The following KLHDC4 variants were observed in gnomAD, a reference collection of about 807,000 sequenced individuals.
The protein encoded by KLHDC4 is kelch domain containing 4, also known as kelch domain-containing protein 4.
KLHDC4 carries 90 observed loss-of-function variants against 62.4 expected under a neutral mutation model. The ratio of observed to expected loss-of-function variants is 1.44; its 90% CI spans 1.22 to 1.72. The LOEUF (loss-of-function observed/expected upper bound fraction) is 1.72, where lower values mean the gene tolerates loss of function less well. Among genes scored for constraint, KLHDC4 ranks in the 40% most tolerant of loss-of-function variants. The pLI is 0.00. For missense variants in KLHDC4, 1,025 were observed against 699.7 expected, an observed-to-expected ratio of 1.47 and a Z score of -5.25; for synonymous variants, 386 against 284.4, an observed-to-expected ratio of 1.36 and a Z score of -3.59.
At chr16:87,706,879 G>C (rs1439258507), downstream of KLHDC4, among the ~76,000 whole-genome samples, 1 of 152,220 alleles carries the variant, frequency 6.6e-6, no homozygotes, top group African/African-American at 2.4e-5. Flanking sequence ...GGAGCGGGGA[G>C]GTGCTCACAG....
At chr16:87,752,089 CAAAAAAAAAAA>C (rs1173625123) in intron 4 of KLHDC4, among the ~76,000 whole-genome samples, 15 of 29,468 alleles carry the variant, frequency 5.1e-4, no homozygotes, top group Admixed American at 1.2e-3. Flanking sequence ...GACTTTGTCT[CAAAAAAAAAAA>C]AAAAAAAAAA....
chr16:87,752,499 G>C (rs1313010574), intron 4 of KLHDC4, among the ~76,000 whole-genome samples: 1 of 151,980 alleles, frequency 6.6e-6, no homozygotes, highest in African/African-American at 2.4e-5. Context: ...ACGACGCCCA[G>C]GTAATTTTTG....
intron 7 of KLHDC4, among the ~76,000 whole-genome samples, chr16:87,723,488 G>T (rs1462890956): frequency 6.6e-6 from 1 of 152,242 alleles, no homozygotes; most frequent in Non-Finnish European, 1.5e-5. Context: ...ACATCTGCTG[G>T]GAGAAAGCAC....
At chr16:87,730,107 C>A (rs974495589) in intron 6 of KLHDC4, among the ~76,000 whole-genome samples, 2 of 152,216 alleles carry the variant, frequency 1.3e-5, no homozygotes, top group Non-Finnish European at 2.9e-5. Flanking sequence ...GCACCTGCCA[C>A]CACGCCTGGC....
intron 5 of KLHDC4, among the ~76,000 whole-genome samples, chr16:87,737,537 G>A (rs1198226838): frequency 6.6e-6 from 1 of 151,374 alleles, no homozygotes; most frequent in East Asian, 1.9e-4. Context: ...GCCGTGAGCC[G>A]AGATCACACC....
At chr16:87,699,128 G>A (rs2034025536) in exon 1 of KLHDC4, 1 of 152,306 alleles carries the variant, frequency 6.6e-6, no homozygotes, top group Admixed American at 6.5e-5. Flanking sequence ...CCCTGGAAGA[G>A]CTGGAGAAGA....
At chr16:87,763,508 G>C (rs2046180852) in intron 1 of KLHDC4, 1 of 152,216 alleles carries the variant, frequency 6.6e-6, no homozygotes, top group Non-Finnish European at 1.5e-5. Flanking sequence ...GGGAGGCTGA[G>C]GCAGGAGAAT....
chr16:87,722,874 C>A (rs2038668882), intron 7 of KLHDC4, among the ~76,000 whole-genome samples: 1 of 152,228 alleles, frequency 6.6e-6, no homozygotes, highest in African/African-American at 2.4e-5. Flanking sequence ...CTCTCCAAGC[C>A]ACCTCTACTT....
chr16:87,756,132 A>C (rs1049112298), intron 3 of KLHDC4: 18 of 311,818 alleles, frequency 5.8e-5, no homozygotes, highest in African/African-American at 1.0e-4. Flanking sequence ...AACCACAAAG[A>C]GGGGTGCGCC....
chr16:87,738,482 G>C (rs770559339), intron 5 of KLHDC4, among the ~76,000 whole-genome samples: 9 of 152,106 alleles, frequency 5.9e-5, no homozygotes, highest in Non-Finnish European at 1.2e-4. Flanking sequence ...AACACTGCAA[G>C]AGCAGAAAAG....
At chr16:87,737,253 G>C (rs991482197) in intron 5 of KLHDC4, among the ~76,000 whole-genome samples, 4 of 151,820 alleles carry the variant, frequency 2.6e-5, no homozygotes, top group Non-Finnish European at 5.9e-5. Flanking sequence ...ATCACATGAA[G>C]TTAGAGGCCT....
At chr16:87,764,168 TAAGA>T (rs1196367326) in intron 1 of KLHDC4, among the ~76,000 whole-genome samples, 2 of 152,232 alleles carry the variant, frequency 1.3e-5, no homozygotes, top group African/African-American at 4.8e-5. Flanking sequence ...CAGCTGAATT[TAAGA>T]AAGAGATGAT....
At chr16:87,714,190 G>A (rs570624526) in intron 8 of KLHDC4, among the ~76,000 whole-genome samples, 2 of 152,286 alleles carry the variant, frequency 1.3e-5, no homozygotes, top group Admixed American at 6.5e-5. Flanking sequence ...CCCTTGGAGG[G>A]GCCCATCAGG....
Position 87,762,064 on chromosome 16 carries a change from G to A in KLHDC4, c.100-24C>T, listed in dbSNP as rs545487115. 4 of 1,610,694 alleles carry A rather than the reference G, an allele frequency of 2.5e-6. No individual in the cohort carries two copies. The African/African-American group carries it at 4.0e-5, about 16-fold the overall frequency. Reference sequence around the variant, plus strand: ...TCCTAGGGCAAGCAAGCAGGCACACGTGAGACTTATTCCCAGGACCCGCCG... The same window carrying A: ...TCCTAGGGCAAGCAAGCAGGCACACATGAGACTTATTCCCAGGACCCGCCG... On this transcript the variant is annotated intron_variant, in intron 1 of 11. Transcript: ENST00000270583.
rs112990413 is a variant in KLHDC4 at position 87,710,865 on chromosome 16, C to T, written c.1044+370G>A. On this transcript the variant is annotated intron_variant, in intron 9 of 11. Coordinates refer to ENST00000270583, the MANE Select transcript of KLHDC4 (RefSeq NM_017566.4). ...TGGCCCTGGACAGCAGCTATGCTCA[C>T]GTGGACAGTAAAGATGGTGTCGGAA... 1,147 of 213,060 alleles carry T rather than the reference C, an allele frequency of 5.4e-3. 18 individuals are homozygous for T. Among genetic ancestry groups the T allele is most frequent in the African/African-American group, 0.024 (1,076 of 44,324 alleles). The allele number at this position is 213,060 out of a possible 1,614,324, so 13.2% of individuals were successfully genotyped here. A position where few individuals can be genotyped will look rare whatever the true frequency, so the allele number is the denominator to read the frequency against.
intron 4 of KLHDC4, among the ~76,000 whole-genome samples, chr16:87,753,852 A>G (rs1056200457): frequency 6.6e-6 from 1 of 151,672 alleles, no homozygotes; most frequent in Admixed American, 6.6e-5. Flanking sequence ...GGGTACCTGT[A>G]ATCCCAGCTA....
chr16:87,747,430 A>G (rs1307152427), intron 5 of KLHDC4: 4 of 152,254 alleles, frequency 2.6e-5, no homozygotes, highest in African/African-American at 4.8e-5. Context: ...CGTGAGCTTC[A>G]AGATATACAC....
intron 1 of KLHDC4, 84 bp downstream of exon 1, chr16:87,765,708 C>A: frequency 7.4e-7 from 1 of 1,357,330 alleles, no homozygotes; most frequent in Non-Finnish European, 1.0e-6. Flanking sequence ...CCACGGCCGA[C>A]CCGTAACCCC....
At chr16:87,738,836 G>T (rs1479968797) in intron 5 of KLHDC4, among the ~76,000 whole-genome samples, 2 of 81,834 alleles carry the variant, frequency 2.4e-5, no homozygotes, top group Admixed American at 1.2e-4. Context: ...CCACACACCA[G>T]CACCTCATCC....
Sources: allele counts gnomAD v4.1 joint callset (sites outside exome capture counted in the v4.1 genomes callset), GRCh38; gene constraint gnomAD v4.1.1; transcripts MANE v1.5; gene names NCBI Gene and HGNC (gene_info 2026-07-23, HGNC 2026-07-21).